The following KHDRBS3 variants were observed in gnomAD, a reference collection of about 807,000 sequenced individuals.
KHDRBS3 encodes the protein KH domain-containing, RNA-binding, signal transduction-associated protein 3.
A neutral mutation model predicts 45.6 loss-of-function variants in KHDRBS3; 23 were observed. That is an observed-to-expected ratio of 0.50 (90% CI 0.36 to 0.72). The LOEUF (loss-of-function observed/expected upper bound fraction) is 0.72, where lower values mean the gene tolerates loss of function less well. KHDRBS3 is among the 30% of genes least tolerant of loss of function. KHDRBS3 has a pLI of 0.00. For synonymous variants in KHDRBS3, 162 were observed against 156.5 expected (o/e 1.04, Z -0.26); for missense variants, 352 against 424.8 (o/e 0.83, Z 1.51).
At chr8:135,638,931 A>G (rs1363309847) in intron 7 of KHDRBS3, among the ~76,000 whole-genome samples, 2 of 150,968 alleles carry the variant, frequency 1.3e-5, no homozygotes, top group Non-Finnish European at 2.9e-5. Flanking sequence ...ACTGCACTCC[A>G]GCCTGGAAAC....
intron 1 of KHDRBS3, among the ~76,000 whole-genome samples, chr8:135,516,920 A>G (rs1198339264): frequency 1.3e-5 from 2 of 152,166 alleles, no homozygotes; most frequent in Non-Finnish European, 2.9e-5. Flanking sequence ...ATTTTACATT[A>G]CTAAAATTTT....
At chr8:135,599,497 T>G (rs185703301) in intron 6 of KHDRBS3, among the ~76,000 whole-genome samples, 1 of 152,220 alleles carries the variant, frequency 6.6e-6, no homozygotes, top group African/African-American at 2.4e-5. Context: ...AGACTGCATT[T>G]TATTATACAG....
downstream of KHDRBS3, among the ~76,000 whole-genome samples, chr8:135,651,706 G>C (rs566821712): frequency 6.6e-6 from 1 of 152,292 alleles, no homozygotes; most frequent in African/African-American, 2.4e-5. Context: ...TGATTTTACA[G>C]TGCCTTAAAA....
At chr8:135,637,427 A>G (rs1830860226) in intron 7 of KHDRBS3, among the ~76,000 whole-genome samples, 1 of 152,220 alleles carries the variant, frequency 6.6e-6, no homozygotes, top group South Asian at 2.1e-4. Context: ...CATTTTTCCT[A>G]TCACATAATA....
intron 4 of KHDRBS3, among the ~76,000 whole-genome samples, chr8:135,557,240 A>G (rs535082241): frequency 8.5e-5 from 13 of 152,332 alleles, no homozygotes; most frequent in South Asian, 2.1e-4. Context: ...AGAAAATTTT[A>G]GCTTGAGGAA....
In KHDRBS3 at chr8:135,457,665, G is replaced by C. The variant is rs1821173772; in HGVS notation, c.-202G>C. 1 of 148,738 alleles carries C rather than the reference G, an allele frequency of 6.7e-6. No individual in the cohort carries two copies. The highest frequency in any genetic ancestry group is 2.4e-5 in the African/African-American group (1 of 40,850). 9.2% of individuals were successfully genotyped at this position (148,738 alleles called of 1,614,324 possible). On this transcript the variant is annotated 5_prime_UTR_variant, in exon 1 of 9. Coordinates refer to ENST00000355849, the MANE Select transcript of KHDRBS3 (RefSeq NM_006558.3). This position sits in a 1 kb window ranked among gnomAD's most constrained non-coding sequence, Gnocchi z 4.4. Reference sequence around the variant, plus strand: ...GGCCGCCGGCGCTGGGTACTCGGCGGCCACCGGGGATCGGGGCTGAGCGGT... The same window carrying C: ...GGCCGCCGGCGCTGGGTACTCGGCGCCCACCGGGGATCGGGGCTGAGCGGT...
chr8:135,557,939 G>C (rs1826971687), intron 5 of KHDRBS3, among the ~76,000 whole-genome samples: 1 of 152,162 alleles, frequency 6.6e-6, no homozygotes, highest in Non-Finnish European at 1.5e-5. Context: ...TATAACCTGT[G>C]ACACTTATTA....
chr8:135,559,301 A>G (rs936601516), intron 5 of KHDRBS3, among the ~76,000 whole-genome samples: 41 of 152,146 alleles, frequency 2.7e-4, no homozygotes, highest in African/African-American at 9.9e-4. Context: ...CTGTGATAGG[A>G]GCTTGTACAT....
At chr8:135,602,330 A>G (rs1003908257) in intron 6 of KHDRBS3, among the ~76,000 whole-genome samples, 1 of 152,214 alleles carries the variant, frequency 6.6e-6, no homozygotes, top group East Asian at 1.9e-4. Flanking sequence ...ATGGAAGTAC[A>G]AAATATTCAC....
At chr8:135,587,432 A>G (rs1288718509) in intron 6 of KHDRBS3, among the ~76,000 whole-genome samples, 1 of 152,192 alleles carries the variant, frequency 6.6e-6, no homozygotes, top group African/African-American at 2.4e-5. Context: ...AAGATAATTT[A>G]ATGTGGTTAG....
At chr8:135,599,513 C>T (rs1829111148) in intron 6 of KHDRBS3, among the ~76,000 whole-genome samples, 1 of 152,170 alleles carries the variant, frequency 6.6e-6, no homozygotes, top group African/African-American at 2.4e-5. Context: ...TACAGTATTT[C>T]CTCAAGTTGC....
chr8:135,559,971 T>C (rs1827088343), intron 5 of KHDRBS3, among the ~76,000 whole-genome samples: 1 of 152,140 alleles, frequency 6.6e-6, no homozygotes, highest in Non-Finnish European at 1.5e-5. Flanking sequence ...ATCCCAGTGC[T>C]TTGGGAGGCC....
At chr8:135,488,359 G>T (rs1012556793) in intron 1 of KHDRBS3, among the ~76,000 whole-genome samples, 2 of 152,162 alleles carry the variant, frequency 1.3e-5, no homozygotes, top group Non-Finnish European at 2.9e-5. Context: ...GTGATAAGTT[G>T]CAGGAGGAAC....
intron 1 of KHDRBS3, among the ~76,000 whole-genome samples, chr8:135,490,791 G>A (rs1180456272): frequency 6.6e-6 from 1 of 152,128 alleles, no homozygotes; most frequent in African/African-American, 2.4e-5. Context: ...CAGAAGAGAG[G>A]ATAATAGCTT....
chr8:135,557,069 C>G (rs1380843179), intron 4 of KHDRBS3, among the ~76,000 whole-genome samples: 2 of 152,158 alleles, frequency 1.3e-5, no homozygotes, highest in Middle Eastern at 3.2e-3. Flanking sequence ...CTTAATTCCT[C>G]TTTGTTTCTC....
At chr8:135,544,562 T>C (rs1826196565) in intron 3 of KHDRBS3, among the ~76,000 whole-genome samples, 1 of 152,120 alleles carries the variant, frequency 6.6e-6, no homozygotes. Context: ...AATGCATGAC[T>C]TCCCTCCTGG....
chr8:135,625,105 G>A (rs1398148531), intron 7 of KHDRBS3: 8 of 830,548 alleles, frequency 9.6e-6, no homozygotes, highest in Non-Finnish European at 1.5e-5. Context: ...GTCCTCTAAG[G>A]ATAATAAAAG....
At chr8:135,597,899 T>C (rs1157042383) in intron 6 of KHDRBS3, among the ~76,000 whole-genome samples, 1 of 152,238 alleles carries the variant, frequency 6.6e-6, no homozygotes, top group African/African-American at 2.4e-5. Flanking sequence ...GTTTGTAGGA[T>C]TTCTGACTTA....
intron 5 of KHDRBS3, among the ~76,000 whole-genome samples, chr8:135,561,962 GAA>G (rs1306168379): frequency 6.6e-6 from 1 of 151,650 alleles, no homozygotes; most frequent in Non-Finnish European, 1.5e-5. Context: ...AGTGTTGCTA[GAA>G]AAGAGTCAAA....
Sources: allele counts gnomAD v4.1 joint callset (sites outside exome capture counted in the v4.1 genomes callset), GRCh38; gene constraint gnomAD v4.1.1; non-coding constraint Gnocchi (gnomAD v3.1); transcripts MANE v1.5; gene names NCBI Gene and HGNC (gene_info 2026-07-23, HGNC 2026-07-21).